The following SUGCT variants were observed in gnomAD, a reference collection of about 807,000 sequenced individuals.
SUGCT encodes the protein succinyl-CoA:glutarate CoA-transferase.
Under a neutral mutation model 55.0 loss-of-function variants are expected in SUGCT, and 41 were observed. The observed-to-expected ratio is 0.74, with a 90% CI of 0.58 to 0.97. The LOEUF is 0.97. Among genes scored for constraint, SUGCT ranks in the 50% least tolerant of loss-of-function variants. SUGCT has a pLI of 0.00. For missense variants in SUGCT, 568 were observed against 547.8 expected, an observed-to-expected ratio of 1.04 and a Z score of -0.37; for synonymous variants, 187 against 200.4, an observed-to-expected ratio of 0.93 and a Z score of 0.56.
chr7:40,207,654 C>T (rs545975949), intron 6 of SUGCT, among the ~76,000 whole-genome samples: 1 of 151,924 alleles, frequency 6.6e-6, no homozygotes, highest in Non-Finnish European at 1.5e-5. Context: ...CTGTCTCTAC[C>T]AAAAATACAA....
At chr7:40,843,069 C>T (rs1024854206) in intron 13 of SUGCT, among the ~76,000 whole-genome samples, 1 of 152,070 alleles carries the variant, frequency 6.6e-6, no homozygotes, top group South Asian at 2.1e-4. Context: ...TGAGGAAATA[C>T]AAAGATCTCT....
intron 12 of SUGCT, among the ~76,000 whole-genome samples, chr7:40,665,250 C>T (rs1196058997): frequency 1.5e-4 from 23 of 151,214 alleles, no homozygotes; most frequent in Non-Finnish European, 1.5e-5. Flanking sequence ...ACCAGCCTGG[C>T]TAACATGGTG....
intron 8 of SUGCT, among the ~76,000 whole-genome samples, chr7:40,296,921 A>T (rs866938625): frequency 1.3e-5 from 2 of 152,184 alleles, no homozygotes; most frequent in Admixed American, 1.3e-4. Flanking sequence ...ACTGCTAAGT[A>T]GCTATGACCC....
intron 9 of SUGCT, among the ~76,000 whole-genome samples, chr7:40,349,163 A>G (rs1797479476): frequency 6.6e-6 from 1 of 152,140 alleles, no homozygotes; most frequent in African/African-American, 2.4e-5. Flanking sequence ...TTTAATACTC[A>G]TCACTATTTG....
At chr7:40,246,511 A>G (rs995039330) in intron 7 of SUGCT, among the ~76,000 whole-genome samples, 6 of 152,018 alleles carry the variant, frequency 3.9e-5, no homozygotes, top group African/African-American at 1.4e-4. Flanking sequence ...TTGGCCTCCC[A>G]AAGTGCTGGG....
chr7:40,480,368 T>C (rs1317294541), intron 11 of SUGCT, among the ~76,000 whole-genome samples: 2 of 152,174 alleles, frequency 1.3e-5, no homozygotes, highest in Non-Finnish European at 2.9e-5. Context: ...TCTGTTCCAT[T>C]GATTTATGTG....
At chr7:40,767,226 G>A (rs1020014630) in intron 13 of SUGCT, among the ~76,000 whole-genome samples, 11 of 152,062 alleles carry the variant, frequency 7.2e-5, no homozygotes, top group African/African-American at 9.7e-5. Flanking sequence ...CATAGGTGGC[G>A]TCTTCATAGA....
chr7:40,367,795 GCTTCCACTTTTGC>G (rs532528582), intron 9 of SUGCT, among the ~76,000 whole-genome samples: 111 of 152,082 alleles, frequency 7.3e-4, no homozygotes, highest in African/African-American at 2.6e-3. Flanking sequence ...TTGTCTCTCT[GCTTCCACTTTTGC>G]CTCCCAAGCG....
chr7:40,268,214 C>T (rs898455370), intron 7 of SUGCT, among the ~76,000 whole-genome samples: 4 of 152,134 alleles, frequency 2.6e-5, no homozygotes, highest in South Asian at 2.1e-4. Flanking sequence ...AGAACATTTT[C>T]ATCACCCCAT....
intron 9 of SUGCT, among the ~76,000 whole-genome samples, chr7:40,436,038 G>A (rs1788161502): frequency 6.6e-6 from 1 of 150,762 alleles, no homozygotes; most frequent in Non-Finnish European, 1.5e-5. Flanking sequence ...CTGCCTCCTA[G>A]GTTCAAGCAA....
chr7:40,281,857 T>C (rs1423929150), intron 8 of SUGCT, among the ~76,000 whole-genome samples: 1 of 152,106 alleles, frequency 6.6e-6, no homozygotes, highest in East Asian at 1.9e-4. Flanking sequence ...TCTCAATCTG[T>C]CACCCAGGCT....
chr7:40,191,335 C>G (rs1785896926), intron 5 of SUGCT, among the ~76,000 whole-genome samples: 1 of 151,936 alleles, frequency 6.6e-6, no homozygotes, highest in Non-Finnish European at 1.5e-5. Context: ...TATTTTTTAC[C>G]AAAACATTAA....
chr7:40,918,321 C>A, the SUGCT span, among the ~76,000 whole-genome samples: 1 of 151,840 alleles, frequency 6.6e-6, no homozygotes, highest in Non-Finnish European at 1.5e-5. Context: ...ATTAGCCGGG[C>A]ATGGTGGCGT....
At chr7:40,658,219 T>G (rs1801123152) in intron 12 of SUGCT, among the ~76,000 whole-genome samples, 1 of 152,196 alleles carries the variant, frequency 6.6e-6, no homozygotes, top group Non-Finnish European at 1.5e-5. Flanking sequence ...CAAGTCAGCA[T>G]GAATATATGA....
chr7:40,772,535 T>TATCTATCTA (rs1554418056), intron 13 of SUGCT, among the ~76,000 whole-genome samples: 2 of 151,414 alleles, frequency 1.3e-5, no homozygotes, highest in African/African-American at 4.9e-5. Context: ...TCTATCTATC[T>TATCTATCTA]ATCTATCTAT....
intron 9 of SUGCT, among the ~76,000 whole-genome samples, chr7:40,345,361 A>G (rs887151556): frequency 1.3e-5 from 2 of 152,210 alleles, no homozygotes; most frequent in South Asian, 2.1e-4. Context: ...CTTGTATTAC[A>G]TATATGTATA....
intron 13 of SUGCT, among the ~76,000 whole-genome samples, chr7:40,821,540 G>C (rs544858018): frequency 6.6e-6 from 1 of 152,268 alleles, no homozygotes; most frequent in Non-Finnish European, 1.5e-5. Context: ...AGATTTTCTA[G>C]TTTATTTGCG....
the SUGCT span, among the ~76,000 whole-genome samples, chr7:40,922,036 T>G: frequency 6.6e-6 from 1 of 152,074 alleles, no homozygotes; most frequent in Admixed American, 6.5e-5. Flanking sequence ...TTAACTCAGA[T>G]GTGTTAGAAA....
intron 12 of SUGCT, among the ~76,000 whole-genome samples, chr7:40,692,274 A>C (rs531991788): frequency 6.6e-6 from 1 of 152,322 alleles, no homozygotes; most frequent in East Asian, 1.9e-4. Flanking sequence ...CAGGGAATGC[A>C]GATACTCGGT....
Sources: gnomAD v4.1 joint callset for allele counts (sites outside exome capture counted in the v4.1 genomes callset) on GRCh38, gnomAD v4.1.1 for gene constraint, MANE v1.5 for transcripts, NCBI Gene and HGNC (gene_info 2026-07-23, HGNC 2026-07-21) for gene names.